DNAI1: variants seen among roughly 807,000 people sequenced by gnomAD.
The protein encoded by DNAI1 is dynein axonemal intermediate chain 1, also known as dynein, axonemal, intermediate polypeptide 1.
A neutral mutation model predicts 92.0 loss-of-function variants in DNAI1; 67 were observed. That is an observed-to-expected ratio of 0.73 (90% CI 0.60 to 0.89). DNAI1 has a LOEUF of 0.89. DNAI1 is among the 40% of genes least tolerant of loss of function. DNAI1 has a pLI of 0.00. For missense variants in DNAI1, 839 were observed against 866.6 expected, an observed-to-expected ratio of 0.97 and a Z score of 0.40; for synonymous variants, 323 against 319.6, an observed-to-expected ratio of 1.01 and a Z score of -0.11.
chr9:34,513,144 A>G lies in DNAI1; in HGVS notation c.1522A>G (p.Ile508Val). The G allele has an allele frequency of 1.2e-6, 2 of 1,614,130 alleles. No homozygotes were observed. Among genetic ancestry groups the G allele is most frequent in the Non-Finnish European group, 1.7e-6 (2 of 1,180,020 alleles). The change falls in exon 16 of 20, where the codon ATT (isoleucine) becomes GTT (valine). Residue 508 changes from isoleucine to valine, a missense_variant. Coordinates refer to ENST00000242317, the MANE Select transcript of DNAI1 (RefSeq NM_012144.4). Reference sequence around the variant, plus strand: ...CACTGCCTTTGACTTCCACAAAGAGATTGACTACATGTTCCTAGTGGGCAC... The same window carrying G: ...CACTGCCTTTGACTTCCACAAAGAGGTTGACTACATGTTCCTAGTGGGCAC... ...CGTAFDFHKE[I>V]DYMFLVGTEE...
chr9:34,464,045 A>T (rs912259409), intron 1 of DNAI1, among the ~76,000 whole-genome samples: 3 of 152,120 alleles, frequency 2.0e-5, no homozygotes, highest in Non-Finnish European at 4.4e-5. Context: ...CCTAGATATG[A>T]TCTTTTACTC....
In DNAI1 at chr9:34,489,439, A is replaced by G. The variant is rs3818577; in HGVS notation, c.378A>G (p.Glu126=). ...DEGRRQHYRD[E]LVAGSQESVK... ...GACGGCGGCAGCATTACCGCGATGA[A>G]TTAGTGGCAGGTAGGACTCTGGGCC... The change falls in exon 5 of 20, where the codon GAA becomes GAG. Residue 126 remains glutamate (E), a synonymous_variant. Coordinates refer to ENST00000242317, the MANE Select transcript of DNAI1 (RefSeq NM_012144.4). The G allele has an allele frequency of 0.011, 18,250 of 1,613,670 alleles. 758 individuals are homozygous for G. In the East Asian group the frequency reaches 0.11, roughly 10 times the overall value.
At chr9:34,497,253 A>G in intron 10 of DNAI1, 54 bp downstream of exon 10, 3 of 1,467,930 alleles carry the variant, frequency 2.0e-6, no homozygotes, top group Non-Finnish European at 2.9e-6. Context: ...AAAATTTCTC[A>G]TAAAAGCTTG....
At chr9:34,505,260 C>A (rs1157885087) in intron 12 of DNAI1, among the ~76,000 whole-genome samples, 1 of 152,148 alleles carries the variant, frequency 6.6e-6, no homozygotes, top group African/African-American at 2.4e-5. Context: ...CTCCCCTTTC[C>A]AATTTCTACA....
intron 13 of DNAI1, among the ~76,000 whole-genome samples, chr9:34,509,567 T>C (rs114065000): frequency 0.011 from 1,615 of 151,780 alleles, 29 homozygotes; most frequent in African/African-American, 0.036. Context: ...AGTTCGAAAA[T>C]TGCTGCCCAG....
chr9:34,515,918 A>G (rs1337651771), intron 18 of DNAI1, among the ~76,000 whole-genome samples: 5 of 152,238 alleles, frequency 3.3e-5, no homozygotes, highest in East Asian at 1.9e-4. Flanking sequence ...TTTATAGTAT[A>G]TGAATTATAT....
chr9:34,462,632 G>A (rs1386014128), intron 1 of DNAI1, among the ~76,000 whole-genome samples: 1 of 152,190 alleles, frequency 6.6e-6, no homozygotes, highest in Non-Finnish European at 1.5e-5. Context: ...ATGGGAAGGG[G>A]TGAAGCTGGG....
At chr9:34,482,752 G>A (rs1457590192) in intron 1 of DNAI1, among the ~76,000 whole-genome samples, 3 of 152,272 alleles carry the variant, frequency 2.0e-5, no homozygotes, top group South Asian at 2.1e-4. Context: ...CCAGTCCTGC[G>A]CCTTGCGCTC....
Position 34,490,121 on chromosome 9 carries a change from T to C in DNAI1, c.498T>C (p.Ala166=). ...GGAGTCAAACAGATGTGCCTGCAGC[T>C]GGGGTACAGTATAATATCGCTCTGT... ...EPGSQTDVPA[A]GAAEKVTEEE... is the part of the protein sequence containing the mutation. The change falls in exon 6 of 20, where the codon GCT becomes GCC. Residue 166 remains alanine, a synonymous_variant. Coordinates refer to ENST00000242317, the MANE Select transcript of DNAI1 (RefSeq NM_012144.4). The C allele has an allele frequency of 6.2e-7, 1 of 1,613,956 alleles. No homozygotes were observed. The highest frequency in any genetic ancestry group is 8.5e-7 in the Non-Finnish European group (1 of 1,179,964).
In DNAI1 at chr9:34,520,688, C is replaced by T; in HGVS notation, c.2032C>T (p.Pro678Ser). The change falls in exon 20 of 20, where the codon CCA (proline) becomes TCA (serine). Residue 678 changes from proline to serine, a missense_variant. Physicochemically the swap from Pro to Ser is moderately conservative, Grantham distance 74. Transcript: ENST00000242317. The stretch of plus-strand genomic sequence containing the variant: ...GAAGGGGCAGGAGGTGCAGAAGGGT[C>T]CAGCTGTGGAGATTGCGAAACTGGA... ...EKKGQEVQKGPAVEIAKLDKL... is the reference protein window; with the variant it reads ...EKKGQEVQKGSAVEIAKLDKL... The T allele has an allele frequency of 1.3e-6, 2 of 1,551,638 alleles. No individual in the cohort carries two copies. The highest frequency in any genetic ancestry group is 1.7e-6 in the Non-Finnish European group (2 of 1,146,966).
chr9:34,481,277 T>C (rs1427848222), intron 1 of DNAI1, among the ~76,000 whole-genome samples: 1 of 152,228 alleles, frequency 6.6e-6, no homozygotes, highest in Non-Finnish European at 1.5e-5. Flanking sequence ...TAAATCTCTT[T>C]ATTGCCTGGT....
At chr9:34,488,039 G>A in intron 4 of DNAI1, 1 of 381,660 alleles carries the variant, frequency 2.6e-6, no homozygotes, top group Non-Finnish European at 5.2e-6. Context: ...AAATGAAACT[G>A]TAAGGGTAAT....
At chr9:34,465,031 T>C (rs1824011344) in intron 1 of DNAI1, among the ~76,000 whole-genome samples, 1 of 152,214 alleles carries the variant, frequency 6.6e-6, no homozygotes, top group Admixed American at 6.5e-5. Context: ...AACTGTATGG[T>C]CAGCCAAGTT....
At chr9:34,510,805 A>T (rs944816366) in intron 13 of DNAI1, among the ~76,000 whole-genome samples, 3 of 151,830 alleles carry the variant, frequency 2.0e-5, no homozygotes, top group African/African-American at 4.8e-5. Flanking sequence ...TAAAGGGACC[A>T]CCTTTACACA....
intron 1 of DNAI1, 126 bp downstream of exon 1, chr9:34,459,179 C>T: frequency 9.6e-6 from 9 of 934,490 alleles, no homozygotes; most frequent in Non-Finnish European, 1.5e-5. Flanking sequence ...ACCCCCGTGA[C>T]CTCTGGTAAG....
At chr9:34,474,053 C>A (rs777759294) in intron 1 of DNAI1, among the ~76,000 whole-genome samples, 1 of 151,870 alleles carries the variant, frequency 6.6e-6, no homozygotes, top group Non-Finnish European at 1.5e-5. Context: ...TACTATTGTA[C>A]GATAGTTATT....
chr9:34,514,813 G>GGTTCTCCATC, intron 18 of DNAI1, 74 bp downstream of exon 18: 1 of 1,495,718 alleles, frequency 6.7e-7, no homozygotes, highest in Non-Finnish European at 9.3e-7. Flanking sequence ...CTTCCTGATG[G>GGTTCTCCATC]AGAACCCATC....
intron 7 of DNAI1, among the ~76,000 whole-genome samples, chr9:34,491,123 TAGAG>T (rs1474228676): frequency 6.6e-6 from 1 of 152,178 alleles, no homozygotes; most frequent in Non-Finnish European, 1.5e-5. Flanking sequence ...ACCCTCATAT[TAGAG>T]AGGCCTTCTC....
chr9:34,520,024 TAAAGGAC>T (rs1825238645), intron 19 of DNAI1, among the ~76,000 whole-genome samples: 1 of 152,162 alleles, frequency 6.6e-6, no homozygotes, highest in Admixed American at 6.5e-5. Flanking sequence ...TCTGGTCTTC[TAAAGGAC>T]AACCTCAGCC....
Sources: allele counts gnomAD v4.1 joint callset (sites outside exome capture counted in the v4.1 genomes callset), GRCh38; gene constraint gnomAD v4.1.1; transcripts MANE v1.5; gene names NCBI Gene and HGNC (gene_info 2026-07-23, HGNC 2026-07-21).